The following CLASRP variants were observed in gnomAD, a reference collection of about 807,000 sequenced individuals.
CLASRP encodes CLK4-associating serine/arginine rich protein.
CLASRP carries 52 observed loss-of-function variants against 99.9 expected under a neutral mutation model. The observed-to-expected ratio is 0.52, with a 90% CI of 0.42 to 0.66. The LOEUF (loss-of-function observed/expected upper bound fraction) is 0.66. Among genes scored for constraint, CLASRP ranks in the 30% least tolerant of loss-of-function variants. CLASRP has a pLI of 0.00. For synonymous variants in CLASRP, 379 were observed against 373.0 expected (o/e 1.02, Z -0.18); for missense variants, 848 against 999.2 (o/e 0.85, Z 2.04).
chr19:45,039,327 G>C (rs1262152794), intron 1 of CLASRP, among the ~76,000 whole-genome samples: 1 of 151,328 alleles, frequency 6.6e-6, no homozygotes, highest in African/African-American at 2.4e-5. Flanking sequence ...CTTCGGCCCA[G>C]CAGCTTATCA....
chr19:45,041,650 C>T (rs903574071), intron 2 of CLASRP, among the ~76,000 whole-genome samples: 1 of 152,206 alleles, frequency 6.6e-6, no homozygotes, highest in Non-Finnish European at 1.5e-5. Flanking sequence ...GTCCAAGAGG[C>T]CTTTCTAAAG....
chr19:45,039,365 A>AAC (rs965408728), intron 1 of CLASRP, among the ~76,000 whole-genome samples: 7 of 148,888 alleles, frequency 4.7e-5, no homozygotes, highest in African/African-American at 1.8e-4. Context: ...TCAAAAAAAA[A>AAC]AACAACAAAA....
intron 2 of CLASRP, among the ~76,000 whole-genome samples, chr19:45,050,141 AG>A (rs1400446541): frequency 1.5e-5 from 2 of 132,496 alleles, no homozygotes; most frequent in Admixed American, 1.9e-4. Flanking sequence ...GGAGCAGAGT[AG>A]GGGAGGGAAG....
At chr19:45,059,555 T>C (rs1358141320) in intron 8 of CLASRP, among the ~76,000 whole-genome samples, 191 bp downstream of exon 8, 4 of 152,212 alleles carry the variant, frequency 2.6e-5, no homozygotes, top group Non-Finnish European at 5.9e-5. Context: ...AGAAACAGGC[T>C]GCACCCAAGT....
chr19:45,061,111 G>C (rs567727026), intron 10 of CLASRP, among the ~76,000 whole-genome samples: 2 of 152,218 alleles, frequency 1.3e-5, no homozygotes, highest in Admixed American at 1.3e-4. Context: ...GATGAGGCAG[G>C]CTGGCTTGGA....
At chr19:45,039,135 C>T (rs1195299044) in intron 1 of CLASRP, 27 bp downstream of exon 1, 1 of 152,204 alleles carries the variant, frequency 6.6e-6, no homozygotes, top group Non-Finnish European at 1.5e-5. Flanking sequence ...GCTCGACCTC[C>T]CGGTTTTCGG....
At chr19:45,048,858 C>T (rs1046036106) in intron 2 of CLASRP, among the ~76,000 whole-genome samples, 1 of 151,290 alleles carries the variant, frequency 6.6e-6, no homozygotes, top group Non-Finnish European at 1.5e-5. Flanking sequence ...TGGTGGCGGG[C>T]ACCTGTAATC....
chr19:45,059,942 C>G (rs930739308), intron 8 of CLASRP, among the ~76,000 whole-genome samples: 13 of 152,130 alleles, frequency 8.5e-5, no homozygotes, highest in Non-Finnish European at 1.8e-4. Flanking sequence ...TCTCCTTGCT[C>G]CTCAAGTGCA....
chr19:45,054,916 AAGAT>A (rs1181933644), intron 5 of CLASRP, among the ~76,000 whole-genome samples: 1 of 152,116 alleles, frequency 6.6e-6, no homozygotes, highest in African/African-American at 2.4e-5. Context: ...GTTTATTTCT[AAGAT>A]AGATGCTTTT....
intron 5 of CLASRP, among the ~76,000 whole-genome samples, chr19:45,055,301 G>A (rs1317212862): frequency 1.3e-5 from 2 of 152,216 alleles, no homozygotes; most frequent in Non-Finnish European, 1.5e-5. Context: ...ATTCCAGGCC[G>A]AGAGCAGCCT....
chr19:45,056,547 C>T lies in CLASRP; in HGVS notation c.464+13C>T, dbSNP rs1972122530. On this transcript the variant is annotated intron_variant, in intron 6 of 20. Coordinates refer to ENST00000221455, the MANE Select transcript of CLASRP (RefSeq NM_007056.3). ...ATGAGAAGAAGAAGTGAGTCGGGGT[C>T]TGGGGTGCAGGGGGTTGAGGAGGCA... is the stretch of plus-strand genomic sequence containing the variant. 2 of 1,611,532 alleles carry T rather than the reference C, an allele frequency of 1.2e-6. No individual in the cohort carries two copies.
intron 2 of CLASRP, among the ~76,000 whole-genome samples, chr19:45,041,446 C>A (rs558435970): frequency 6.6e-6 from 1 of 152,168 alleles, no homozygotes; most frequent in Admixed American, 6.6e-5. Flanking sequence ...CCTATATTAC[C>A]CCCCCTCACC....
chr19:45,046,522 G>A lies in CLASRP; in HGVS notation c.100-5549G>A, dbSNP rs1312943031. Among the ~76,000 whole-genome samples, 9 of 152,304 alleles carry A rather than the reference G, an allele frequency of 5.9e-5. No homozygotes were observed. The South Asian group carries it at 6.2e-4, about 11-fold the overall frequency. ...TCCCCCTGTGGGCCCCCATCTCAGC[G>A]CTGTCCACTCTAGGTTGTCCTTGTA... On this transcript the variant is annotated intron_variant, in intron 2 of 20. Coordinates refer to ENST00000221455, the MANE Select transcript of CLASRP (RefSeq NM_007056.3).
intron 10 of CLASRP, 80 bp from the exon 11 acceptor site, chr19:45,062,074 A>G: frequency 1.1e-6 from 1 of 878,142 alleles, no homozygotes; most frequent in Non-Finnish European, 1.9e-6. Context: ...TTGGGTCCTC[A>G]GGTTGGCGGG....
intron 6 of CLASRP, among the ~76,000 whole-genome samples, chr19:45,057,128 C>T (rs775181991): frequency 6.6e-6 from 1 of 152,178 alleles, no homozygotes; most frequent in Non-Finnish European, 1.5e-5. Flanking sequence ...AGGCCTCCCG[C>T]CCTCACACAC....
intron 1 of CLASRP, chr19:45,039,556 C>T (rs1182362795): frequency 1.3e-5 from 2 of 152,816 alleles, no homozygotes; most frequent in Non-Finnish European, 2.9e-5. Context: ...ACCCCGCCAT[C>T]TAGATCCCAT....
chr19:45,064,476 T>C lies in CLASRP; in HGVS notation c.1255T>C (p.Ser419Pro). The C allele has an allele frequency of 6.5e-7, 1 of 1,533,506 alleles. No homozygotes were observed. Among genetic ancestry groups the C allele is most frequent in the Non-Finnish European group, 8.7e-7 (1 of 1,143,794 alleles). 95.0% of individuals were successfully genotyped at this position (1,533,506 alleles called of 1,614,324 possible). A position where few individuals can be genotyped will look rare whatever the true frequency, so the allele number is the denominator to read the frequency against. The change falls in exon 13 of 21, where the codon TCC becomes CCC. Residue 419 changes from serine to proline, a missense_variant. By Grantham distance (74) the Ser-to-Pro change is moderately conservative (BLOSUM62 -1). This residue lies in a region of CLASRP where 489 missense variants were observed against 434.7 expected (regional missense o/e 1.12). Transcript: ENST00000221455. The part of the protein sequence containing the change: ...YRSGRHARSR[S>P]RSWSRSRSRS... ...TTCCGGCCGCCACGCCCGCTCCCGG[T>C]CCCGCTCCTGGTCCCGCTCCCGCTC...
chr19:45,063,937 T>C, intron 11 of CLASRP, 75 bp from the exon 12 acceptor site: 1 of 1,494,622 alleles, frequency 6.7e-7, no homozygotes, highest in Non-Finnish European at 9.0e-7. Context: ...GCGCTGCTGT[T>C]GATCTGCTGT....
chr19:45,067,884 G>A lies in CLASRP; in HGVS notation c.1668-131G>A, dbSNP rs1473800130. 1.1e-5 allele frequency: 8 copies of A among 745,790 alleles called. No homozygotes were observed. Among genetic ancestry groups the A allele is most frequent in the African/African-American group, 1.7e-5 (1 of 58,024 alleles). The allele number at this position is 745,790 out of a possible 1,614,324, so 46.2% of individuals were successfully genotyped here. On this transcript the variant is annotated intron_variant, in intron 14 of 20. Transcript: ENST00000221455. The surrounding 1 kb of genome is among the most constrained non-coding windows in gnomAD (Gnocchi z 4.9). ...GTTCTGTGGGGTCTGAGAGGGACATGGTTGCACCCTGGGGCATCTGAGGCC... is the reference window on the plus strand; with the variant it reads ...GTTCTGTGGGGTCTGAGAGGGACATAGTTGCACCCTGGGGCATCTGAGGCC...
Sources: allele counts gnomAD v4.1 joint callset (sites outside exome capture counted in the v4.1 genomes callset), GRCh38; gene constraint gnomAD v4.1.1; regional missense constraint gnomAD v4.1.1; non-coding constraint Gnocchi (gnomAD v3.1); transcripts MANE v1.5; gene names NCBI Gene and HGNC (gene_info 2026-07-23, HGNC 2026-07-21).